The following ANKS1B variants were observed in gnomAD, a reference collection of about 807,000 sequenced individuals.
The protein encoded by ANKS1B is ankyrin repeat and sterile alpha motif domain containing 1B, also known as ankyrin repeat and sterile alpha motif domain-containing protein 1B.
A neutral mutation model predicts 148.3 loss-of-function variants in ANKS1B; 36 were observed. That is an observed-to-expected ratio of 0.24 (90% CI 0.19 to 0.32). The LOEUF (loss-of-function observed/expected upper bound fraction) is 0.32, where lower values mean the gene tolerates loss of function less well. ANKS1B is among the 10% of genes least tolerant of loss of function. The probability of loss-of-function intolerance (pLI) is 1.00; values close to 1 mark genes in which losing one functional copy is unlikely to be tolerated. For missense variants in ANKS1B, 1,157 were observed against 1,542.6 expected (o/e 0.75, Z 4.19); for synonymous variants, 542 against 560.8 (o/e 0.97, Z 0.47).
At chr12:98,795,160 C>T (rs1209946163) in intron 22 of ANKS1B, among the ~76,000 whole-genome samples, 1 of 152,154 alleles carries the variant, frequency 6.6e-6, no homozygotes, top group Non-Finnish European at 1.5e-5. Flanking sequence ...AAATTCATGG[C>T]TAGTGATGTA....
chr12:99,835,218 C>T (rs2084642357), intron 1 of ANKS1B, among the ~76,000 whole-genome samples: 1 of 146,924 alleles, frequency 6.8e-6, no homozygotes, highest in East Asian at 2.0e-4. Context: ...TTGAGATCAG[C>T]CTGGGCAACA....
intron 25 of ANKS1B, among the ~76,000 whole-genome samples, chr12:98,761,859 G>T (rs1305162657): frequency 2.0e-5 from 3 of 152,230 alleles, no homozygotes; most frequent in African/African-American, 7.2e-5. Context: ...AGGCCCTCCT[G>T]ACCCAGGCTG....
chr12:99,408,657 A>C (rs2152654140), intron 11 of ANKS1B, among the ~76,000 whole-genome samples: 1 of 146,420 alleles, frequency 6.8e-6, no homozygotes, highest in African/African-American at 2.6e-5. Flanking sequence ...AAAGGAAAAA[A>C]AATCTAAGAA....
Position 99,984,305 on chromosome 12 carries a change from C to A in ANKS1B, c.-68G>T. 2 of 1,443,424 alleles carry A rather than the reference C, an allele frequency of 1.4e-6. No individual in the cohort carries two copies. Among genetic ancestry groups the A allele is most frequent in the Admixed American group, 2.1e-5 (1 of 47,280 alleles). The allele number at this position is 1,443,424 out of a possible 1,614,324, so 89.4% of individuals were successfully genotyped here. On this transcript the variant is annotated 5_prime_UTR_variant, in exon 1 of 27. Coordinates refer to ENST00000683438, the MANE Select transcript of ANKS1B (RefSeq NM_001352186.2). ...GTCCTCCTCCCCACCCACCCCCACT[C>A]CCCAAAATCCAGGGCCCTCTTCGCC...
chr12:99,831,244 A>G (rs1229646443), intron 1 of ANKS1B, among the ~76,000 whole-genome samples: 1 of 149,798 alleles, frequency 6.7e-6, no homozygotes, highest in Non-Finnish European at 1.5e-5. Flanking sequence ...AAAAAAAAAA[A>G]CCAAACCCAT....
chr12:99,770,407 T>A (rs1457644651), intron 8 of ANKS1B, among the ~76,000 whole-genome samples: 1 of 152,144 alleles, frequency 6.6e-6, no homozygotes, highest in African/African-American at 2.4e-5. Context: ...GTGACCTATA[T>A]TAGGTGACCT....
intron 11 of ANKS1B, among the ~76,000 whole-genome samples, chr12:99,410,547 T>C (rs900608139): frequency 6.6e-6 from 1 of 152,102 alleles, no homozygotes; most frequent in East Asian, 1.9e-4. Context: ...CAGGCTCCTG[T>C]AGTCCCAGCT....
At chr12:98,895,425 G>T in intron 17 of ANKS1B, 2 of 503,202 alleles carry the variant, frequency 4.0e-6, no homozygotes, top group Non-Finnish European at 5.1e-6. Flanking sequence ...CGCCACTGCC[G>T]CTGTTACTGC....
intron 1 of ANKS1B, among the ~76,000 whole-genome samples, chr12:99,840,419 G>A (rs2085530291): frequency 6.6e-6 from 1 of 152,074 alleles, no homozygotes; most frequent in African/African-American, 2.4e-5. Flanking sequence ...GTTTTGAATG[G>A]AGAAATGACA....
chr12:99,010,750 TA>T (rs1317511397), intron 17 of ANKS1B, among the ~76,000 whole-genome samples: 6 of 131,086 alleles, frequency 4.6e-5, no homozygotes, highest in Admixed American at 7.3e-5. Flanking sequence ...TTATTATTAT[TA>T]TTATTATTAT....
At chr12:99,842,334 A>AT (rs1172003781) in intron 1 of ANKS1B, among the ~76,000 whole-genome samples, 1 of 152,104 alleles carries the variant, frequency 6.6e-6, no homozygotes, top group East Asian at 1.9e-4. Flanking sequence ...TTTATTTAGA[A>AT]TTTTTTTGAA....
chr12:99,673,238 T>C lies in ANKS1B; in HGVS notation c.1129-18028A>G, dbSNP rs1039233229. On this transcript the variant is annotated intron_variant, in intron 8 of 26. Coordinates refer to ENST00000683438, the MANE Select transcript of ANKS1B (RefSeq NM_001352186.2). ...GCCTGGAAGAACTGGAAAATAATCA[T>C]ATCAAGACATACTCAGGCAAAATCT... 3.3e-5 allele frequency among the ~76,000 whole-genome samples: 5 copies of C among 152,114 alleles called. No homozygotes were observed. The East Asian group carries it at 9.6e-4, about 29-fold the overall frequency.
intron 2 of ANKS1B, among the ~76,000 whole-genome samples, chr12:99,822,757 C>T (rs537375472): frequency 6.6e-6 from 1 of 152,266 alleles, no homozygotes; most frequent in East Asian, 1.9e-4. Flanking sequence ...CATGCAGGTG[C>T]TTGTGTCTTT....
intron 10 of ANKS1B, among the ~76,000 whole-genome samples, chr12:99,492,844 C>A (rs2096567974): frequency 6.6e-6 from 1 of 152,106 alleles, no homozygotes; most frequent in South Asian, 2.1e-4. Context: ...CAATAAAATT[C>A]AACATAAAAC....
intron 1 of ANKS1B, among the ~76,000 whole-genome samples, chr12:99,923,452 A>G (rs994715193): frequency 1.3e-5 from 2 of 152,204 alleles, no homozygotes; most frequent in Non-Finnish European, 1.5e-5. Flanking sequence ...TTTTATAACA[A>G]AAGTGACTAG....
At chr12:99,625,671 C>A (rs1273091122) in intron 9 of ANKS1B, among the ~76,000 whole-genome samples, 1 of 152,072 alleles carries the variant, frequency 6.6e-6, no homozygotes, top group Non-Finnish European at 1.5e-5. Flanking sequence ...TCCAGTCTTA[C>A]CAACTTCATG....
At chr12:98,826,134 CA>C (rs1273962339) in intron 19 of ANKS1B, among the ~76,000 whole-genome samples, 4 of 152,166 alleles carry the variant, frequency 2.6e-5, no homozygotes, top group Non-Finnish European at 5.9e-5. Context: ...ACCCATCATT[CA>C]GATGTATTTA....
At chr12:99,065,176 T>C (rs760906207) in intron 16 of ANKS1B, among the ~76,000 whole-genome samples, 4 of 152,180 alleles carry the variant, frequency 2.6e-5, no homozygotes, top group Non-Finnish European at 5.9e-5. Flanking sequence ...CTGTCATTCA[T>C]GCAGCTATTT....
chr12:99,491,295 G>T (rs1339733238), intron 10 of ANKS1B, among the ~76,000 whole-genome samples: 1 of 144,070 alleles, frequency 6.9e-6, no homozygotes, highest in Non-Finnish European at 1.5e-5. Flanking sequence ...ACAGAGCAAG[G>T]CTCCATCTCA....
Sources: allele counts gnomAD v4.1 joint callset (sites outside exome capture counted in the v4.1 genomes callset), GRCh38; gene constraint gnomAD v4.1.1; transcripts MANE v1.5; gene names NCBI Gene and HGNC (gene_info 2026-07-23, HGNC 2026-07-21).